FAM135B: variants seen among roughly 807,000 people sequenced by gnomAD.
The protein encoded by FAM135B is family with sequence similarity 135 member B.
In FAM135B, 43 loss-of-function variants were observed where a neutral mutation model predicts 127.7. The ratio of observed to expected loss-of-function variants is 0.34; its 90% CI spans 0.26 to 0.43. The LOEUF is 0.43. FAM135B is among the 20% of genes least tolerant of loss of function. The probability of loss-of-function intolerance (pLI) is 1.00; values close to 1 mark genes in which losing one functional copy is unlikely to be tolerated. For synonymous variants in FAM135B, 670 were observed against 665.1 expected, an observed-to-expected ratio of 1.01 and a Z score of -0.11; for missense variants, 1,558 against 1,725.6, an observed-to-expected ratio of 0.90 and a Z score of 1.72.
At chr8:138,268,991 A>T (rs1433281994) in intron 3 of FAM135B, among the ~76,000 whole-genome samples, 1 of 152,200 alleles carries the variant, frequency 6.6e-6, no homozygotes, top group Admixed American at 6.5e-5. Flanking sequence ...GGGAATGTGA[A>T]AGAAAAAGAG....
chr8:138,243,334 A>G lies in FAM135B; in HGVS notation c.543-266T>C, dbSNP rs142856761. 5.1e-4 allele frequency among the ~76,000 whole-genome samples: 78 copies of G among 152,288 alleles called. No individual in the cohort carries two copies. The highest frequency in any genetic ancestry group is 8.8e-4 in the Non-Finnish European group (60 of 68,022). Reference sequence around the variant, plus strand: ...TGCCCACCCTAAATGCCAACAACATACCTGTAAGAAACACTGAAGCAGAGC... The same window carrying G: ...TGCCCACCCTAAATGCCAACAACATGCCTGTAAGAAACACTGAAGCAGAGC... On this transcript the variant is annotated intron_variant, in intron 6 of 19. Transcript: ENST00000395297. The surrounding 1 kb of genome is among the most constrained non-coding windows in gnomAD (Gnocchi z 7.5).
At chr8:138,309,858 CTTTTTTTTTT>C (rs145453026) in intron 3 of FAM135B, among the ~76,000 whole-genome samples, 1 of 86,788 alleles carries the variant, frequency 1.2e-5, no homozygotes, top group East Asian at 3.4e-4. Flanking sequence ...AGTCTTTCTA[CTTTTTTTTTT>C]TTTTTTTTTT....
intron 3 of FAM135B, among the ~76,000 whole-genome samples, chr8:138,291,379 T>C: frequency 6.6e-6 from 1 of 152,164 alleles, no homozygotes; most frequent in South Asian, 2.1e-4. Context: ...CAAGAATGAA[T>C]TTCGATCCTT....
At chr8:138,143,618 C>G (rs558564327) in intron 15 of FAM135B, among the ~76,000 whole-genome samples, 1 of 152,078 alleles carries the variant, frequency 6.6e-6, no homozygotes, top group African/African-American at 2.4e-5. Context: ...TCCAGGAGAT[C>G]AAAGGAAGAG....
chr8:138,251,112 A>G, intron 5 of FAM135B, 98 bp from the exon 6 acceptor site: 1 of 1,350,796 alleles, frequency 7.4e-7, no homozygotes, highest in Non-Finnish European at 1.0e-6. Context: ...GCCAAGCACC[A>G]TGCATACATC....
chr8:138,176,596 A>T (rs977975598), intron 11 of FAM135B, among the ~76,000 whole-genome samples: 3 of 152,202 alleles, frequency 2.0e-5, no homozygotes, highest in South Asian at 2.1e-4. Flanking sequence ...AATTGTGGGG[A>T]GAAAACAGGA....
chr8:138,236,584 C>T (rs1820295042), intron 7 of FAM135B, among the ~76,000 whole-genome samples: 1 of 152,152 alleles, frequency 6.6e-6, no homozygotes, highest in Admixed American at 6.5e-5. Context: ...GGTCCCTGCT[C>T]AGCTGTGTGG....
intron 3 of FAM135B, among the ~76,000 whole-genome samples, chr8:138,307,261 C>A (rs565222877): frequency 7.2e-5 from 11 of 152,322 alleles, no homozygotes; most frequent in African/African-American, 2.6e-4. Context: ...AACTCTGTCT[C>A]TATTTGCCTG....
intron 7 of FAM135B, among the ~76,000 whole-genome samples, chr8:138,206,851 C>T (rs1817721540): frequency 6.6e-6 from 1 of 150,826 alleles, no homozygotes; most frequent in African/African-American, 2.4e-5. Context: ...CTACACACAG[C>T]TCTATCATCC....
intron 1 of FAM135B, among the ~76,000 whole-genome samples, chr8:138,480,727 T>C (rs988554099): frequency 3.3e-5 from 5 of 152,220 alleles, no homozygotes; most frequent in African/African-American, 4.8e-5. Flanking sequence ...GCAAGTCAAC[T>C]TGTCCTAGTT....
Position 138,285,792 on chromosome 8 carries a change from T to C in FAM135B, c.158-19950A>G, listed in dbSNP as rs138227258. Among the ~76,000 whole-genome samples, 321 of 152,368 alleles carry C rather than the reference T, an allele frequency of 2.1e-3. 4 individuals are homozygous for C. Among genetic ancestry groups the C allele is most frequent in the Non-Finnish European group, 6.2e-4 (42 of 68,042 alleles). ...AATTGCTCTAAACCAAAGCCATCAA[T>C]ACTGCAGAATGTTTGCTCAGGTGAA... On this transcript the variant is annotated intron_variant, in intron 3 of 19. Coordinates refer to ENST00000395297, the MANE Select transcript of FAM135B (RefSeq NM_015912.4).
At chr8:138,179,434 T>C (rs954246132) in intron 9 of FAM135B, among the ~76,000 whole-genome samples, 1 of 152,204 alleles carries the variant, frequency 6.6e-6, no homozygotes, top group Non-Finnish European at 1.5e-5. Context: ...GTAGAGTTAC[T>C]GTGGCCATCC....
At chr8:138,318,524 C>T (rs571998276) in intron 2 of FAM135B, among the ~76,000 whole-genome samples, 1 of 152,268 alleles carries the variant, frequency 6.6e-6, no homozygotes, top group Admixed American at 6.5e-5. Context: ...AAGCAAGTAG[C>T]AGCTCAAGGG....
intron 1 of FAM135B, among the ~76,000 whole-genome samples, chr8:138,377,009 G>A (rs890819330): frequency 1.3e-5 from 2 of 152,158 alleles, no homozygotes; most frequent in Non-Finnish European, 2.9e-5. Flanking sequence ...ATTCTCAGTT[G>A]CCTCTGAGAA....
Position 138,490,023 on chromosome 8 carries a change from C to A in FAM135B, c.-20+6648G>T, listed in dbSNP as rs1032864347. On this transcript the variant is annotated intron_variant, in intron 1 of 19. Transcript: ENST00000395297. ...GTTTGTCTTTTTTAGAAGTTATAAACTTCTTAAGCATATAAACATTATCTT... is the reference window on the plus strand; with the variant it reads ...GTTTGTCTTTTTTAGAAGTTATAAAATTCTTAAGCATATAAACATTATCTT... Among the ~76,000 whole-genome samples, 6 of 152,136 alleles carry A rather than the reference C, an allele frequency of 3.9e-5. No homozygotes were observed. The East Asian group carries it at 1.2e-3, about 29-fold the overall frequency.
intron 2 of FAM135B, among the ~76,000 whole-genome samples, chr8:138,333,020 A>G (rs1828302548): frequency 6.6e-6 from 1 of 152,062 alleles, no homozygotes; most frequent in South Asian, 2.1e-4. Context: ...CTTGTATTTT[A>G]GATTAACAGT....
chr8:138,405,834 T>G (rs1833450039), intron 1 of FAM135B, among the ~76,000 whole-genome samples: 1 of 151,826 alleles, frequency 6.6e-6, no homozygotes, highest in African/African-American at 2.4e-5. Flanking sequence ...CCACCAACAG[T>G]GTAAAAGTGT....
intron 2 of FAM135B, among the ~76,000 whole-genome samples, chr8:138,338,588 A>T (rs1233274931): frequency 1.1e-3 from 172 of 151,430 alleles, no homozygotes; most frequent in African/African-American, 3.9e-3. Context: ...TAGAATGGCG[A>T]TCATTAAAAA....
intron 1 of FAM135B, among the ~76,000 whole-genome samples, chr8:138,455,395 C>T (rs1836718743): frequency 6.6e-6 from 1 of 152,140 alleles, no homozygotes; most frequent in Admixed American, 6.5e-5. Flanking sequence ...GGTCTGACAG[C>T]ATCTCTTAAG....
Sources: gnomAD v4.1 joint callset for allele counts (sites outside exome capture counted in the v4.1 genomes callset) on GRCh38, gnomAD v4.1.1 for gene constraint, Gnocchi (gnomAD v3.1) non-coding constraint, MANE v1.5 for transcripts, NCBI Gene and HGNC (gene_info 2026-07-23, HGNC 2026-07-21) for gene names.